Variants in CFAP299 observed in about 807,000 individuals in gnomAD.
CFAP299 encodes the protein cilia- and flagella-associated protein 299.
In CFAP299, 21 loss-of-function variants were observed where a neutral mutation model predicts 27.0. The observed-to-expected ratio is 0.78, with a 90% CI of 0.55 to 1.12. The LOEUF is 1.12. Among genes scored for constraint, CFAP299 ranks in the 50% most tolerant of loss-of-function variants. The pLI is 0.00. For missense variants in CFAP299, 310 were observed against 276.6 expected (o/e 1.12, Z -0.86); for synonymous variants, 104 against 98.1 (o/e 1.06, Z -0.36).
At chr4:80,723,507 CT>C (rs1454310494) in intron 3 of CFAP299, among the ~76,000 whole-genome samples, 1 of 151,674 alleles carries the variant, frequency 6.6e-6, no homozygotes, top group Non-Finnish European at 1.5e-5. Context: ...ATATAAAATT[CT>C]AAAAAAAACG....
intron 2 of CFAP299, among the ~76,000 whole-genome samples, chr4:80,443,910 G>A (rs1357027574): frequency 6.6e-6 from 1 of 152,134 alleles, no homozygotes; most frequent in Non-Finnish European, 1.5e-5. Flanking sequence ...GCCAAATCAT[G>A]AGTGAACTGC....
At chr4:80,632,775 C>T (rs1002874957) in intron 3 of CFAP299, among the ~76,000 whole-genome samples, 1 of 150,554 alleles carries the variant, frequency 6.6e-6, no homozygotes, top group Admixed American at 6.6e-5. Flanking sequence ...AATGTATTGT[C>T]AAAGAAATAC....
intron 4 of CFAP299, among the ~76,000 whole-genome samples, chr4:80,934,244 C>G (rs1200720168): frequency 3.3e-5 from 5 of 152,058 alleles, no homozygotes; most frequent in African/African-American, 1.2e-4. Flanking sequence ...TTGAGCCATC[C>G]TTGTATCCGA....
At chr4:80,419,269 A>G (rs1727168805) in intron 2 of CFAP299, among the ~76,000 whole-genome samples, 1 of 152,220 alleles carries the variant, frequency 6.6e-6, no homozygotes, top group African/African-American at 2.4e-5. Context: ...ATGTTGGCAT[A>G]CTTCTGGGGT....
chr4:80,920,727 G>A (rs954276017), intron 4 of CFAP299, among the ~76,000 whole-genome samples: 1 of 152,070 alleles, frequency 6.6e-6, no homozygotes, highest in Admixed American at 6.6e-5. Flanking sequence ...CAACTGGAAG[G>A]GGTAAGCTCT....
At chr4:80,808,779 G>C (rs143485494) in intron 3 of CFAP299, among the ~76,000 whole-genome samples, 2 of 152,214 alleles carry the variant, frequency 1.3e-5, no homozygotes, top group African/African-American at 4.8e-5. Flanking sequence ...GATTCTGAGA[G>C]CCACAATTAT....
intron 3 of CFAP299, among the ~76,000 whole-genome samples, chr4:80,689,577 G>A (rs376025086): frequency 0.013 from 1,930 of 152,192 alleles, 25 homozygotes; most frequent in South Asian, 0.061. Context: ...GGTACCAGCC[G>A]ATGCAAAATC....
At chr4:80,904,263 C>T (rs1050123694) in intron 4 of CFAP299, among the ~76,000 whole-genome samples, 77 of 152,076 alleles carry the variant, frequency 5.1e-4, no homozygotes, top group African/African-American at 1.5e-3. Context: ...GCAGTGCTTC[C>T]TTAAAATGGT....
intron 2 of CFAP299, among the ~76,000 whole-genome samples, chr4:80,384,838 T>C (rs904158736): frequency 1.3e-5 from 2 of 152,218 alleles, no homozygotes; most frequent in African/African-American, 4.8e-5. Flanking sequence ...ATAGCATTAT[T>C]ACCATGAGTC....
rs75854924 is a variant in CFAP299, at chr4:80,494,741, A to G, written c.243-88352A>G. ...ATTTTATGTTGAGTAGTAAATGTCA[A>G]TTATGTTGGGTACATTAATATGTTA... On this transcript the variant is annotated intron_variant, in intron 2 of 5. Coordinates refer to ENST00000358105, the MANE Select transcript of CFAP299 (RefSeq NM_152770.3). Among the ~76,000 whole-genome samples, 316 of 148,142 alleles carry G rather than the reference A, an allele frequency of 2.1e-3. 2 individuals are homozygous for G. The highest frequency in any genetic ancestry group is 7.5e-3 in the African/African-American group (291 of 38,624).
At chr4:80,825,377 A>G (rs888942267) in intron 3 of CFAP299, among the ~76,000 whole-genome samples, 11 of 151,986 alleles carry the variant, frequency 7.2e-5, no homozygotes, top group African/African-American at 2.7e-4. Context: ...AAGCATCTCA[A>G]GTTTGATGAA....
rs552066585 is a variant in CFAP299 at position 80,341,499 on chromosome 4, C to T, written c.111+5620C>T. On this transcript the variant is annotated intron_variant, in intron 1 of 5. Transcript: ENST00000358105. ...AGGAAGGAGAAGGCTGCCATCTTTGCTGTTTCACAGCCTTCACTGGTGATA... is the reference window on the plus strand; with the variant it reads ...AGGAAGGAGAAGGCTGCCATCTTTGTTGTTTCACAGCCTTCACTGGTGATA... Among the ~76,000 whole-genome samples the T allele has an allele frequency of 3.3e-5, 5 of 152,278 alleles. No individual in the cohort carries two copies. In the East Asian group the frequency reaches 9.7e-4, roughly 30 times the overall value.
chr4:80,534,911 T>TA (rs1733652313), intron 2 of CFAP299, among the ~76,000 whole-genome samples: 1 of 152,190 alleles, frequency 6.6e-6, no homozygotes, highest in South Asian at 2.1e-4. Flanking sequence ...GATTGGGCAA[T>TA]AGGAATACTT....
At position 80,446,075 on chromosome 4, in the gene CFAP299, T is replaced by C. The variant is rs567827745; in HGVS notation, c.242+83191T>C. ...GATTTTGAGATGGAGATTAGCATGC[T>C]TGACATGTATTAGGGAATGCTTCAT... On this transcript the variant is annotated intron_variant, in intron 2 of 5. Transcript: ENST00000358105. 5.0e-4 allele frequency among the ~76,000 whole-genome samples: 76 copies of C among 152,254 alleles called. 1 individual carries two copies. The highest frequency in any genetic ancestry group is 1.8e-3 in the African/African-American group (73 of 41,542).
intron 1 of CFAP299, among the ~76,000 whole-genome samples, chr4:80,357,239 C>A (rs1200866491): frequency 1.3e-5 from 2 of 152,092 alleles, no homozygotes; most frequent in African/African-American, 2.4e-5. Context: ...TTCGGTTTGT[C>A]AGTATTTTAT....
At chr4:80,766,410 A>C (rs1308443253) in intron 3 of CFAP299, among the ~76,000 whole-genome samples, 1 of 152,152 alleles carries the variant, frequency 6.6e-6, no homozygotes, top group African/African-American at 2.4e-5. Flanking sequence ...AAGATAATTA[A>C]ATTTTATCTC....
chr4:80,841,256 A>G (rs898352976), intron 3 of CFAP299, among the ~76,000 whole-genome samples: 2 of 152,136 alleles, frequency 1.3e-5, no homozygotes, highest in Non-Finnish European at 2.9e-5. Flanking sequence ...AGACCTAGCT[A>G]TTCATTTAGC....
intron 3 of CFAP299, among the ~76,000 whole-genome samples, chr4:80,769,049 A>C (rs986311185): frequency 6.6e-6 from 1 of 152,220 alleles, no homozygotes; most frequent in Non-Finnish European, 1.5e-5. Context: ...AGCAGAGCAG[A>C]TTAGATTACT....
At chr4:80,656,453 C>A (rs1372918891) in intron 3 of CFAP299, among the ~76,000 whole-genome samples, 1 of 152,046 alleles carries the variant, frequency 6.6e-6, no homozygotes, top group Non-Finnish European at 1.5e-5. Flanking sequence ...TCAACTCCCA[C>A]TTATGAGTGA....
Sources: gnomAD v4.1 joint callset for allele counts (sites outside exome capture counted in the v4.1 genomes callset) on GRCh38, gnomAD v4.1.1 for gene constraint, MANE v1.5 for transcripts, NCBI Gene and HGNC (gene_info 2026-07-23, HGNC 2026-07-21) for gene names.